Variants in AIDA observed in about 807,000 individuals in gnomAD.
AIDA encodes axin interactor, dorsalization associated.
A neutral mutation model predicts 42.7 loss-of-function variants in AIDA; 18 were observed. The ratio of observed to expected loss-of-function variants is 0.42; its 90% CI spans 0.29 to 0.63. The LOEUF (loss-of-function observed/expected upper bound fraction) is 0.63. Among genes scored for constraint, AIDA ranks in the 20% least tolerant of loss-of-function variants. The pLI is 0.19. For synonymous variants in AIDA, 104 were observed against 122.9 expected (o/e 0.85, Z 1.02); for missense variants, 250 against 354.1 (o/e 0.71, Z 2.36).
intron 1 of AIDA, among the ~76,000 whole-genome samples, chr1:222,705,356 T>TAG (rs1365665154): frequency 6.6e-6 from 1 of 152,168 alleles, no homozygotes; most frequent in Non-Finnish European, 1.5e-5. Flanking sequence ...CTACATGGAG[T>TAG]ACTCCCGAGT....
At position 222,697,266 on chromosome 1, in the gene AIDA, C is replaced by T. The variant is rs1337902505; in HGVS notation, c.181-3003G>A. Among the ~76,000 whole-genome samples the T allele has an allele frequency of 6.6e-5, 10 of 150,882 alleles. No homozygotes were observed. In the Admixed American group the frequency reaches 6.6e-4, roughly 10 times the overall value. On this transcript the variant is annotated intron_variant, in intron 2 of 9. Transcript: ENST00000340020. ...CTGCAACAGTTTTTAATACAGAAATCGACTGAACTATGGCAAAATACCTCC... is the reference window on the plus strand; with the variant it reads ...CTGCAACAGTTTTTAATACAGAAATTGACTGAACTATGGCAAAATACCTCC...
chr1:222,687,664 A>C lies in AIDA; in HGVS notation c.290-6T>G. 6.8e-7 allele frequency: 1 copy of C among 1,463,396 alleles called. No homozygotes were observed. The highest frequency in any genetic ancestry group is 9.2e-7 in the Non-Finnish European group (1 of 1,081,800). The allele number at this position is 1,463,396 out of a possible 1,614,324, so 90.7% of individuals were successfully genotyped here. On this transcript the variant is annotated splice_polypyrimidine_tract_variant and splice_region_variant and intron_variant, in intron 4 of 9. Coordinates refer to ENST00000340020, the MANE Select transcript of AIDA (RefSeq NM_022831.4). ...TGTAAGAATATTCTTTAGGACTAGA[A>C]TAAGAAGATAAAGAAACATGAATTC...
chr1:222,709,355 C>T (rs964942717), intron 1 of AIDA, among the ~76,000 whole-genome samples: 93 of 152,144 alleles, frequency 6.1e-4, no homozygotes, highest in Non-Finnish European at 7.5e-4. Flanking sequence ...TGCTTGAACC[C>T]GGGAGGCACA....
intron 2 of AIDA, among the ~76,000 whole-genome samples, chr1:222,694,602 C>T (rs1056640721): frequency 4.6e-5 from 7 of 152,134 alleles, no homozygotes; most frequent in Non-Finnish European, 8.8e-5. Context: ...TAAAATTCAC[C>T]TTTTAAAAGG....
intron 2 of AIDA, among the ~76,000 whole-genome samples, chr1:222,699,329 A>G (rs1346183406): frequency 6.6e-6 from 1 of 152,210 alleles, no homozygotes; most frequent in Non-Finnish European, 1.5e-5. Flanking sequence ...CTTTTGAAGA[A>G]AACACAATTG....
intron 4 of AIDA, among the ~76,000 whole-genome samples, chr1:222,693,310 T>C (rs933930088): frequency 1.3e-5 from 2 of 152,164 alleles, no homozygotes; most frequent in African/African-American, 4.8e-5. Context: ...AAGCTTTATT[T>C]GGCAGCATAC....
rs1664675610 is a variant in AIDA at position 222,682,734 on chromosome 1, A to G, written c.460+4196T>C. Among the ~76,000 whole-genome samples, 3 of 152,140 alleles carry G rather than the reference A, an allele frequency of 2.0e-5. No individual in the cohort carries two copies. In the South Asian group the frequency reaches 6.2e-4, roughly 32 times the overall value. ...GAGTATATATTTCTTTGTGCTGCCA[A>G]AACATAATAAAAATATACATACTTG... On this transcript the variant is annotated intron_variant, in intron 6 of 9. Coordinates refer to ENST00000340020, the MANE Select transcript of AIDA (RefSeq NM_022831.4).
chr1:222,684,024 T>C (rs1273203046), intron 6 of AIDA, among the ~76,000 whole-genome samples: 5 of 152,164 alleles, frequency 3.3e-5, no homozygotes, highest in African/African-American at 1.2e-4. Flanking sequence ...CCATACATCA[T>C]ACCCTCACAC....
chr1:222,685,062 T>C (rs766918345), intron 6 of AIDA, among the ~76,000 whole-genome samples: 4 of 152,132 alleles, frequency 2.6e-5, no homozygotes, highest in Admixed American at 6.5e-5. Flanking sequence ...TCTATCTTCA[T>C]AAAGCAAAGT....
rs765351898 is a variant in AIDA at position 222,689,520 on chromosome 1, T to TATACAC, written c.290-1863_290-1862insGTGTAT. Among the ~76,000 whole-genome samples, 437 of 57,960 alleles carry TATACAC rather than the reference T, an allele frequency of 7.5e-3. 5 individuals carry two copies. Among genetic ancestry groups the TATACAC allele is most frequent in the Middle Eastern group, 0.014 (1 of 72 alleles). The allele number at this position is 57,960 out of a possible 152,430, so 38.0% of individuals were successfully genotyped here. On this transcript the variant is annotated intron_variant, in intron 4 of 9. Coordinates refer to ENST00000340020, the MANE Select transcript of AIDA (RefSeq NM_022831.4). ...ATATATATATATATATATATATATA[T>TATACAC]ACACACATACACACACACACATATA...
At chr1:222,697,259 C>T (rs1169748139) in intron 2 of AIDA, among the ~76,000 whole-genome samples, 3 of 151,218 alleles carry the variant, frequency 2.0e-5, no homozygotes, top group African/African-American at 7.3e-5. Flanking sequence ...GTTTTTAATA[C>T]AGAAATCGAC....
At chr1:222,679,639 A>C (rs1233496708) in intron 6 of AIDA, among the ~76,000 whole-genome samples, 1 of 152,208 alleles carries the variant, frequency 6.6e-6, no homozygotes, top group Non-Finnish European at 1.5e-5. Flanking sequence ...AGTGAAAACT[A>C]AGACAGAAAA....
At chr1:222,693,240 T>C (rs1335131486) in intron 4 of AIDA, among the ~76,000 whole-genome samples, 2 of 152,220 alleles carry the variant, frequency 1.3e-5, no homozygotes, top group Non-Finnish European at 2.9e-5. Context: ...CATTTAGTTT[T>C]ATATTCAACT....
At chr1:222,702,755 G>A (rs968844863) in intron 2 of AIDA, among the ~76,000 whole-genome samples, 3 of 152,210 alleles carry the variant, frequency 2.0e-5, no homozygotes, top group African/African-American at 7.2e-5. Context: ...TCAAGTAAGT[G>A]CTGGGGTGGA....
rs181271754 is a variant in AIDA, at chr1:222,671,345, A to C, written c.707-1095T>G. ...AATGGAGAAATAAGTTGCCTCATCA[A>C]TGTGGCCAACAAAAATGAATTTCTA... On this transcript the variant is annotated intron_variant, in intron 8 of 9. Coordinates refer to ENST00000340020, the MANE Select transcript of AIDA (RefSeq NM_022831.4). 3.8e-3 allele frequency among the ~76,000 whole-genome samples: 582 copies of C among 152,352 alleles called. 18 individuals are homozygous for C. Among genetic ancestry groups the C allele is most frequent in the Admixed American group, 0.035 (542 of 15,304 alleles).
chr1:222,671,152 A>G (rs1664441334), intron 8 of AIDA, among the ~76,000 whole-genome samples: 1 of 152,066 alleles, frequency 6.6e-6, no homozygotes, highest in Non-Finnish European at 1.5e-5. Context: ...GCCTGAGCCC[A>G]GGGAGATTGA....
Position 222,693,815 on chromosome 1 carries a change from A to T in AIDA, c.263T>A (p.Leu88Gln). The T allele has an allele frequency of 6.2e-7, 1 of 1,610,332 alleles. No individual in the cohort carries two copies. The highest frequency in any genetic ancestry group is 8.5e-7 in the Non-Finnish European group (1 of 1,177,436). ...QSTQSQEEFK[L>Q]EDLKKLEPIL... is the part of the protein sequence containing the mutation. ...TGGTTCTAGCTTCTTCAGGTCCTCC[A>T]GTTTAAATTCTTCTTGAGACTGTGT... Residue 88 changes from leucine (L) to glutamine (Q), a missense_variant, in exon 4 of 10, where the codon CTG (leucine) becomes CAG (glutamine). Around this residue, in one of 4 missense-constraint regions of AIDA, gnomAD observed 199 missense variants for 232.6 expected, o/e 0.86. Coordinates refer to ENST00000340020, the MANE Select transcript of AIDA (RefSeq NM_022831.4).
intron 8 of AIDA, among the ~76,000 whole-genome samples, 157 bp from the exon 9 acceptor site, chr1:222,670,407 T>C (rs1346190123): frequency 6.6e-6 from 1 of 152,234 alleles, no homozygotes; most frequent in Non-Finnish European, 1.5e-5. Flanking sequence ...TAACTTACTA[T>C]GGTTGTCACC....
At chr1:222,709,461 T>C (rs538144883) in intron 1 of AIDA, among the ~76,000 whole-genome samples, 2 of 151,906 alleles carry the variant, frequency 1.3e-5, no homozygotes, top group East Asian at 3.9e-4. Context: ...AAAAAGAAAA[T>C]ATATTTTTGA....
Sources: allele counts gnomAD v4.1 joint callset (sites outside exome capture counted in the v4.1 genomes callset), GRCh38; gene constraint gnomAD v4.1.1; regional missense constraint gnomAD v4.1.1; transcripts MANE v1.5; gene names NCBI Gene and HGNC (gene_info 2026-07-23, HGNC 2026-07-21).